The following DTWD2 variants were observed in gnomAD, a reference collection of about 807,000 sequenced individuals.
DTWD2 encodes tRNA-uridine aminocarboxypropyltransferase 2.
In DTWD2, 39 loss-of-function variants were observed where a neutral mutation model predicts 31.8. That is an observed-to-expected ratio of 1.22 (90% CI 0.95 to 1.60). DTWD2 has a LOEUF of 1.60. Among genes scored for constraint, DTWD2 ranks in the 40% most tolerant of loss-of-function variants. The pLI is 0.00. For synonymous variants in DTWD2, 180 were observed against 142.8 expected (o/e 1.26, Z -1.86); for missense variants, 515 against 381.5 (o/e 1.35, Z -2.92).
intron 2 of DTWD2, 64 bp from the exon 3 acceptor site, chr5:118,939,354 T>G: frequency 7.8e-7 from 1 of 1,289,584 alleles, no homozygotes; most frequent in Non-Finnish European, 1.0e-6. Flanking sequence ...TTAAATATTT[T>G]ATAATGAACA....
chr5:118,959,415 C>T (rs767445793), intron 1 of DTWD2, among the ~76,000 whole-genome samples: 7 of 151,946 alleles, frequency 4.6e-5, no homozygotes, highest in South Asian at 2.1e-4. Flanking sequence ...ATCTCTACAA[C>T]GAGAATTACA....
rs1433381345 is a variant in DTWD2, at chr5:118,838,102, T to C, written c.*2815A>G. ...CACATAAGTCTTATAATCCAACCTGTAGAAAGTTGCCATGCACTGTGACTT... is the reference window on the plus strand; with the variant it reads ...CACATAAGTCTTATAATCCAACCTGCAGAAAGTTGCCATGCACTGTGACTT... On this transcript the variant is annotated 3_prime_UTR_variant, in exon 6 of 6. Transcript: ENST00000510708. 1 of 152,178 alleles carries C rather than the reference T, an allele frequency of 6.6e-6. No individual in the cohort carries two copies. Among genetic ancestry groups the C allele is most frequent in the South Asian group, 2.1e-4 (1 of 4,830 alleles). The allele number at this position is 152,178 out of a possible 1,614,324, so 9.4% of individuals were successfully genotyped here.
At chr5:118,921,442 C>T (rs78013611) in intron 4 of DTWD2, among the ~76,000 whole-genome samples, 11,659 of 150,734 alleles carry the variant, frequency 0.077, 887 homozygotes, top group African/African-American at 0.2. Flanking sequence ...TCGCTTTGAG[C>T]CTAGGAGTTG....
intron 4 of DTWD2, among the ~76,000 whole-genome samples, chr5:118,868,208 A>C (rs1752421792): frequency 6.6e-6 from 1 of 152,146 alleles, no homozygotes; most frequent in African/African-American, 2.4e-5. Context: ...CGAGATACCC[A>C]CATGCAAAAG....
chr5:118,883,372 C>T (rs1453545161), intron 4 of DTWD2, among the ~76,000 whole-genome samples: 1 of 152,178 alleles, frequency 6.6e-6, no homozygotes, highest in African/African-American at 2.4e-5. Flanking sequence ...TTTTCTGAGC[C>T]CTCCAAACTG....
At chr5:118,868,864 G>A (rs1361936174) in intron 4 of DTWD2, among the ~76,000 whole-genome samples, 8 of 149,036 alleles carry the variant, frequency 5.4e-5, no homozygotes, top group Non-Finnish European at 7.5e-5. Context: ...AAAAAAAGAT[G>A]GGGTGGGAGG....
At chr5:118,877,578 A>T (rs113702727) in intron 4 of DTWD2, among the ~76,000 whole-genome samples, 19,581 of 152,250 alleles carry the variant, frequency 0.13, 1,613 homozygotes, top group Non-Finnish European at 0.18. Flanking sequence ...AGCAGCCAAC[A>T]TCATACTGAA....
intron 2 of DTWD2, among the ~76,000 whole-genome samples, chr5:118,939,970 A>G (rs1178226112): frequency 2.0e-5 from 3 of 152,204 alleles, no homozygotes; most frequent in Admixed American, 2.0e-4. Context: ...CTTACAAAAG[A>G]ATTCCAAATA....
At chr5:118,970,744 C>T (rs1027515114) in intron 1 of DTWD2, among the ~76,000 whole-genome samples, 8 of 152,190 alleles carry the variant, frequency 5.3e-5, no homozygotes, top group Admixed American at 3.9e-4. Context: ...CAGAGAGAAA[C>T]GCCAGGTAAC....
intron 4 of DTWD2, among the ~76,000 whole-genome samples, chr5:118,865,711 C>A (rs1322166796): frequency 6.6e-6 from 1 of 152,124 alleles, no homozygotes; most frequent in African/African-American, 2.4e-5. Context: ...AGCTAGCAAA[C>A]TGATGAGAGC....
chr5:118,988,232 C>T, intron 1 of DTWD2, 62 bp downstream of exon 1: 1 of 1,527,788 alleles, frequency 6.5e-7, no homozygotes, highest in South Asian at 1.2e-5. Context: ...CGGCAGGGGG[C>T]GCCGCACCCT....
intron 2 of DTWD2, among the ~76,000 whole-genome samples, chr5:118,940,570 A>G (rs571862628): frequency 2.0e-5 from 3 of 152,290 alleles, no homozygotes; most frequent in African/African-American, 7.2e-5. Flanking sequence ...TATCGATTTT[A>G]GATATTATCC....
At chr5:118,902,134 CA>C in intron 4 of DTWD2, among the ~76,000 whole-genome samples, 1 of 151,952 alleles carries the variant, frequency 6.6e-6, no homozygotes, top group Middle Eastern at 3.4e-3. Flanking sequence ...TCCTGAGAAA[CA>C]AAATAAGTTA....
At chr5:118,943,386 C>T (rs1754251187) in intron 2 of DTWD2, among the ~76,000 whole-genome samples, 1 of 152,064 alleles carries the variant, frequency 6.6e-6, no homozygotes, top group South Asian at 2.1e-4. Flanking sequence ...CCCGTCTCTA[C>T]TAAAAATACA....
chr5:118,952,880 T>C (rs1162211215), intron 1 of DTWD2, among the ~76,000 whole-genome samples: 1 of 152,216 alleles, frequency 6.6e-6, no homozygotes, highest in African/African-American at 2.4e-5. Context: ...ATTCACTTTC[T>C]TTTATTTTAG....
chr5:118,940,349 A>C (rs1754151442), intron 2 of DTWD2, among the ~76,000 whole-genome samples: 1 of 152,224 alleles, frequency 6.6e-6, no homozygotes, highest in Non-Finnish European at 1.5e-5. Flanking sequence ...CTGTGACACA[A>C]ACTTAATCAG....
chr5:118,938,633 G>A (rs1754104586), intron 3 of DTWD2, among the ~76,000 whole-genome samples: 1 of 152,018 alleles, frequency 6.6e-6, no homozygotes, highest in Non-Finnish European at 1.5e-5. Context: ...AGAATCACTT[G>A]AGCCCAGGAG....
At chr5:118,841,258 T>C (rs1284100324) in intron 5 of DTWD2, among the ~76,000 whole-genome samples, 171 bp from the exon 6 acceptor site, 2 of 152,198 alleles carry the variant, frequency 1.3e-5, no homozygotes, top group Non-Finnish European at 1.5e-5. Context: ...AGATAAATAA[T>C]GTCTTTAAAA....
intron 3 of DTWD2, among the ~76,000 whole-genome samples, chr5:118,937,081 T>A (rs1375938851): frequency 6.6e-6 from 1 of 152,096 alleles, no homozygotes; most frequent in Non-Finnish European, 1.5e-5. Context: ...ATGAATTATA[T>A]TTGTAAGAAA....
Sources: allele counts gnomAD v4.1 joint callset (sites outside exome capture counted in the v4.1 genomes callset), GRCh38; gene constraint gnomAD v4.1.1; transcripts MANE v1.5; gene names NCBI Gene and HGNC (gene_info 2026-07-23, HGNC 2026-07-21).